Variants in COL15A1 observed in about 807,000 individuals in gnomAD.
The protein encoded by COL15A1 is collagen type XV alpha 1 chain.
COL15A1 carries 111 observed loss-of-function variants against 165.9 expected under a neutral mutation model. The observed-to-expected ratio is 0.67, with a 90% CI of 0.57 to 0.78. The LOEUF (loss-of-function observed/expected upper bound fraction) is 0.78, where lower values mean the gene tolerates loss of function less well. Ranked by LOEUF, COL15A1 falls within the 30% of genes least tolerant of loss-of-function variation. The pLI is 0.00. For missense variants in COL15A1, 1,745 were observed against 1,789.7 expected (o/e 0.98, Z 0.45); for synonymous variants, 659 against 674.8 (o/e 0.98, Z 0.36).
At chr9:99,016,551 C>T (rs910209448) in intron 11 of COL15A1, among the ~76,000 whole-genome samples, 4 of 152,218 alleles carry the variant, frequency 2.6e-5, no homozygotes, top group African/African-American at 7.2e-5. Context: ...CCGTTGATTT[C>T]TTTGGCCCTC....
In COL15A1 at chr9:99,002,283, C is replaced by T. The variant is rs187480583; in HGVS notation, c.1066-1170C>T. 1.1e-3 allele frequency among the ~76,000 whole-genome samples: 163 copies of T among 151,344 alleles called. 1 individual carries two copies. Among genetic ancestry groups the T allele is most frequent in the African/African-American group, 3.8e-3 (156 of 41,218 alleles). On this transcript the variant is annotated intron_variant, in intron 7 of 41. Transcript: ENST00000375001. ...TTGTCCCTCTCTCCCAACTCTGAAT[C>T]TAAAGGGCTCCCTCCTTTCACCTTT...
Position 99,034,578 on chromosome 9 carries a change from T to C in COL15A1, c.2073T>C (p.Gly691=). Reference sequence around the variant, plus strand: ...CAAGAGGGCCTAATGGCTCAGTTGGTGAAAAGGTAAAAAAAAAAAAAAAAA... The same window carrying C: ...CAAGAGGGCCTAATGGCTCAGTTGGCGAAAAGGTAAAAAAAAAAAAAAAAA... ...KGARGPNGSV[G]EKGDPGNRGL... Residue 691 remains glycine, a synonymous_variant, in exon 17 of 42, where the codon GGT becomes GGC. Transcript: ENST00000375001. The C allele has an allele frequency of 6.7e-7, 1 of 1,499,090 alleles. No individual in the cohort carries two copies. The highest frequency in any genetic ancestry group is 8.8e-7 in the Non-Finnish European group (1 of 1,135,610). 92.9% of individuals were successfully genotyped at this position (1,499,090 alleles called of 1,614,324 possible). A position where few individuals can be genotyped will look rare whatever the true frequency, so the allele number is the denominator to read the frequency against.
Position 99,035,032 on chromosome 9 carries a change from G to A in COL15A1, c.2098G>A (p.Gly700Ser). The change falls in exon 18 of 42, where the codon GGC becomes AGC. Residue 700 changes from glycine (G) to serine (S), a missense_variant. Transcript: ENST00000375001. ...VGEKGDPGNRGLPGPPGKKGQ... is the reference protein window; with the variant it reads ...VGEKGDPGNRSLPGPPGKKGQ... ...CCTACAGGGTGACCCTGGCAACAGAGGCTTACCTGGACCCCCGGGGAAAAA... is the reference window on the plus strand; with the variant it reads ...CCTACAGGGTGACCCTGGCAACAGAAGCTTACCTGGACCCCCGGGGAAAAA... 1 of 1,613,374 alleles carries A rather than the reference G, an allele frequency of 6.2e-7. No homozygotes were observed. The highest frequency in any genetic ancestry group is 8.5e-7 in the Non-Finnish European group (1 of 1,179,484).
At chr9:99,059,776 T>C in intron 35 of COL15A1, 113 bp from the exon 36 acceptor site, 2 of 1,181,030 alleles carry the variant, frequency 1.7e-6, no homozygotes, top group South Asian at 2.8e-5. Context: ...GTTGGGATGC[T>C]TTGTGGCGCT....
intron 2 of COL15A1, among the ~76,000 whole-genome samples, chr9:98,959,938 T>G (rs1342613950): frequency 6.6e-6 from 1 of 152,244 alleles, no homozygotes; most frequent in African/African-American, 2.4e-5. Context: ...TCTACCACCC[T>G]GAACTGCTTG....
chr9:99,059,178 G>A (rs1401116734), intron 35 of COL15A1, among the ~76,000 whole-genome samples: 1 of 152,116 alleles, frequency 6.6e-6, no homozygotes, highest in African/African-American at 2.4e-5. Context: ...GGGAAAGAGG[G>A]CACTAACCTT....
Position 99,004,943 on chromosome 9 carries a change from G to A in COL15A1, c.1246G>A (p.Ala416Thr). The change falls in exon 9 of 42, where the codon GCC (alanine) becomes ACC (threonine). Residue 416 changes from alanine (A) to threonine (T), a missense_variant. Transcript: ENST00000375001. The part of the protein sequence containing the change: ...ERLAATAAGE[A>T]EALASMPGEV... ...TTTAGCAGCAACAGCAGCAGGGGAG[G>A]CCGAGGCACTCGCCAGCATGCCTGG... 1 of 1,614,086 alleles carries A rather than the reference G, an allele frequency of 6.2e-7. No homozygotes were observed. The highest frequency in any genetic ancestry group is 8.5e-7 in the Non-Finnish European group (1 of 1,179,980).
At chr9:99,005,184 G>T in intron 9 of COL15A1, 134 bp downstream of exon 9, 1 of 956,028 alleles carries the variant, frequency 1.0e-6, no homozygotes, top group South Asian at 1.7e-5. Context: ...TACTCACTTG[G>T]GGGTGGAGTT....
chr9:98,982,294 T>C (rs1838246131), intron 2 of COL15A1, among the ~76,000 whole-genome samples: 1 of 152,208 alleles, frequency 6.6e-6, no homozygotes, highest in Non-Finnish European at 1.5e-5. Flanking sequence ...ATGTATAATG[T>C]ATTTTATTTA....
At chr9:98,982,446 C>A (rs1426053033) in intron 2 of COL15A1, among the ~76,000 whole-genome samples, 2 of 152,098 alleles carry the variant, frequency 1.3e-5, no homozygotes, top group Non-Finnish European at 2.9e-5. Context: ...TTCAAGTGCT[C>A]AATAGCCATA....
intron 6 of COL15A1, among the ~76,000 whole-genome samples, chr9:98,999,919 A>G (rs1012596305): frequency 3.3e-5 from 5 of 151,362 alleles, no homozygotes; most frequent in Non-Finnish European, 7.4e-5. Context: ...CAGTGGCACA[A>G]TCTCAGCTTA....
intron 38 of COL15A1, 26 bp downstream of exon 38, chr9:99,062,330 T>G (rs370857358): frequency 1.3e-6 from 2 of 1,540,204 alleles, no homozygotes; most frequent in Non-Finnish European, 1.8e-6. Flanking sequence ...GTTGGACTGC[T>G]CATGCATTCA....
chr9:99,012,078 A>T (rs886093509), intron 9 of COL15A1, among the ~76,000 whole-genome samples: 1 of 152,224 alleles, frequency 6.6e-6, no homozygotes, highest in African/African-American at 2.4e-5. Context: ...TTTGGCAGGG[A>T]TAAGTATGAA....
At chr9:98,947,900 T>C (rs552229790) in intron 2 of COL15A1, among the ~76,000 whole-genome samples, 1 of 152,320 alleles carries the variant, frequency 6.6e-6, no homozygotes, top group African/African-American at 2.4e-5. Flanking sequence ...AGTTCAGGTA[T>C]TGGAAAACCT....
chr9:99,057,538 ATTT>A lies in COL15A1; in HGVS notation c.3337+1136_3337+1138del, dbSNP rs1161256649. ...ATTTTGCTAATCACTTTGCTATGGTATTTTATTGAAACCTCACAACAACACTTT... is the reference window on the plus strand; with the variant it reads ...ATTTTGCTAATCACTTTGCTATGGTATATTGAAACCTCACAACAACACTTT... On this transcript the variant is annotated intron_variant, in intron 35 of 41. Coordinates refer to ENST00000375001, the MANE Select transcript of COL15A1 (RefSeq NM_001855.5). 4.6e-5 allele frequency among the ~76,000 whole-genome samples: 7 copies of A among 152,316 alleles called. 1 individual carries two copies. The South Asian group carries it at 6.2e-4, about 14-fold the overall frequency.
At position 99,011,945 on chromosome 9, in the gene COL15A1, C is replaced by G. The variant is rs184106193; in HGVS notation, c.1354-3472C>G. Among the ~76,000 whole-genome samples, 877 of 152,264 alleles carry G rather than the reference C, an allele frequency of 5.8e-3. 5 individuals are homozygous for G. The highest frequency in any genetic ancestry group is 0.02 in the African/African-American group (837 of 41,560). The stretch of plus-strand genomic sequence containing the variant: ...GTTATTTTACTAAATCAAGATTTAG[C>G]TATTTTCATTAAACTAATGTTCTTG... On this transcript the variant is annotated intron_variant, in intron 9 of 41. Coordinates refer to ENST00000375001, the MANE Select transcript of COL15A1 (RefSeq NM_001855.5).
At position 99,054,528 on chromosome 9, in the gene COL15A1, A is replaced by G. The variant is rs558725312; in HGVS notation, c.2951-48A>G. ...TGTCTCAGAAAGGTTTTATATAGAA[A>G]GAAGGTGATTTTCCATTTTTTTTTA... On this transcript the variant is annotated intron_variant, in intron 31 of 41. Transcript: ENST00000375001. The G allele has an allele frequency of 1.3e-5, 21 of 1,556,604 alleles. No individual in the cohort carries two copies. The South Asian group carries it at 2.4e-4, about 18-fold the overall frequency.
chr9:98,956,377 T>C (rs1837776649), intron 2 of COL15A1, among the ~76,000 whole-genome samples: 1 of 152,138 alleles, frequency 6.6e-6, no homozygotes, highest in Admixed American at 6.6e-5. Context: ...CTAATAATTA[T>C]ATAGTGCTTT....
intron 26 of COL15A1, among the ~76,000 whole-genome samples, chr9:99,046,901 G>A (rs1252640465): frequency 6.6e-6 from 1 of 152,118 alleles, no homozygotes; most frequent in Non-Finnish European, 1.5e-5. Context: ...AATACAGACT[G>A]GGTACTTTAC....
Sources: gnomAD v4.1 joint callset for allele counts (sites outside exome capture counted in the v4.1 genomes callset) on GRCh38, gnomAD v4.1.1 for gene constraint, MANE v1.5 for transcripts, NCBI Gene and HGNC (gene_info 2026-07-23, HGNC 2026-07-21) for gene names.